KCNJ6: variants seen among roughly 807,000 people sequenced by gnomAD.
KCNJ6 encodes the protein G protein-activated inward rectifier potassium channel 2.
A neutral mutation model predicts 34.2 loss-of-function variants in KCNJ6; 9 were observed. The ratio of observed to expected loss-of-function variants is 0.26; its 90% CI spans 0.16 to 0.46. KCNJ6 has a LOEUF of 0.46. Ranked by LOEUF, KCNJ6 falls within the 20% of genes least tolerant of loss-of-function variation. KCNJ6 has a pLI of 1.00. For missense variants in KCNJ6, 236 were observed against 531.3 expected (o/e 0.44, Z 5.46); for synonymous variants, 196 against 207.1 (o/e 0.95, Z 0.46).
chr21:37,626,153 T>TG (rs1395151057), intron 3 of KCNJ6, among the ~76,000 whole-genome samples: 1 of 148,244 alleles, frequency 6.7e-6, no homozygotes, highest in Non-Finnish European at 1.5e-5. Flanking sequence ...TTCTTTGAGA[T>TG]GGAGTCTCGC....
intron 2 of KCNJ6, among the ~76,000 whole-genome samples, chr21:37,786,413 T>C (rs562313257): frequency 3.5e-4 from 53 of 152,324 alleles, no homozygotes; most frequent in African/African-American, 1.2e-3. Flanking sequence ...AGGCCCCTCC[T>C]CTTGGATATG....
chr21:37,663,993 A>G (rs900247431), intron 3 of KCNJ6, among the ~76,000 whole-genome samples: 1 of 152,230 alleles, frequency 6.6e-6, no homozygotes, highest in African/African-American at 2.4e-5. Flanking sequence ...ATAAGTCCCA[A>G]AGAAACTATC....
At chr21:37,814,656 T>C (rs1311838058) in intron 2 of KCNJ6, among the ~76,000 whole-genome samples, 1 of 152,148 alleles carries the variant, frequency 6.6e-6, no homozygotes, top group East Asian at 1.9e-4. Flanking sequence ...CTCAGCACTT[T>C]GGGAGGCCAA....
chr21:37,911,989 G>A (rs915122359), intron 1 of KCNJ6, among the ~76,000 whole-genome samples: 1 of 152,118 alleles, frequency 6.6e-6, no homozygotes, highest in African/African-American at 2.4e-5. Flanking sequence ...AGGAATATGA[G>A]ACTGAGTTAA....
At chr21:37,717,959 C>A (rs1206711138) in intron 2 of KCNJ6, among the ~76,000 whole-genome samples, 1 of 152,242 alleles carries the variant, frequency 6.6e-6, no homozygotes, top group South Asian at 2.1e-4. Flanking sequence ...ATTGTCCTGA[C>A]CTGGAAGAAC....
At chr21:37,723,357 GCAATTTGGAGATTTCT>G (rs1185723479) in intron 2 of KCNJ6, among the ~76,000 whole-genome samples, 1 of 152,206 alleles carries the variant, frequency 6.6e-6, no homozygotes, top group Non-Finnish European at 1.5e-5. Flanking sequence ...ACGGTGGAAA[GCAATTTGGAGATTTCT>G]CAAAGAACTC....
intron 1 of KCNJ6, among the ~76,000 whole-genome samples, chr21:37,859,153 C>A (rs186093290): frequency 1.3e-5 from 2 of 151,848 alleles, no homozygotes; most frequent in African/African-American, 4.8e-5. Flanking sequence ...TGGAAAACAA[C>A]TTCAATAAAT....
At chr21:37,773,869 T>G (rs554356266) in intron 2 of KCNJ6, among the ~76,000 whole-genome samples, 2 of 152,304 alleles carry the variant, frequency 1.3e-5, no homozygotes, top group South Asian at 4.1e-4. Flanking sequence ...CCCCTCCAGG[T>G]GCACGGCCAG....
In KCNJ6 at chr21:37,840,220, G is replaced by A. The variant is rs143610495; in HGVS notation, c.25+438C>T. On this transcript the variant is annotated intron_variant, in intron 2 of 3. Transcript: ENST00000609713. ...ACTGCAAGCACTCCATTTTTTAATA[G>A]TTCTGTCTGAAATTTCTGAACGACA... Among the ~76,000 whole-genome samples the A allele has an allele frequency of 7.7e-4, 117 of 152,304 alleles. 3 individuals are homozygous for A. The East Asian group carries it at 0.021, about 27-fold the overall frequency.
chr21:37,863,484 G>A (rs958861549), intron 1 of KCNJ6, among the ~76,000 whole-genome samples: 2 of 152,204 alleles, frequency 1.3e-5, no homozygotes, highest in Admixed American at 6.5e-5. Flanking sequence ...GAATTTTTGA[G>A]AGTTTATTCT....
chr21:37,851,148 C>T lies in KCNJ6; in HGVS notation c.-27-10439G>A, dbSNP rs78149365. Among the ~76,000 whole-genome samples, 468 of 152,282 alleles carry T rather than the reference C, an allele frequency of 3.1e-3. 5 individuals carry two copies. The highest frequency in any genetic ancestry group is 0.011 in the African/African-American group (452 of 41,540). ...CAGTGGGGCATGATAACAGCTCCTT[C>T]CCAAGCCAGGCCACTCTGGTCACTA... On this transcript the variant is annotated intron_variant, in intron 1 of 3. Coordinates refer to ENST00000609713, the MANE Select transcript of KCNJ6 (RefSeq NM_002240.5).
At chr21:37,637,973 G>C (rs901781603) in intron 3 of KCNJ6, among the ~76,000 whole-genome samples, 1 of 152,170 alleles carries the variant, frequency 6.6e-6, no homozygotes, top group East Asian at 1.9e-4. Context: ...CATTTCTCCT[G>C]TTAAAGCCAC....
chr21:37,626,200 G>A lies in KCNJ6; in HGVS notation c.947-716C>T, dbSNP rs1338439301. Among the ~76,000 whole-genome samples the A allele has an allele frequency of 4.7e-5, 7 of 149,848 alleles. No individual in the cohort carries two copies. The Admixed American group carries it at 4.7e-4, about 10-fold the overall frequency. On this transcript the variant is annotated intron_variant, in intron 3 of 3. Transcript: ENST00000609713. ...GGCTGGAGTGCAGTGGTGCGATCTC[G>A]GCTCACTGCGACCTCCACCTTCAGG...
At chr21:37,727,732 C>T (rs528821031) in intron 2 of KCNJ6, among the ~76,000 whole-genome samples, 11 of 151,900 alleles carry the variant, frequency 7.2e-5, no homozygotes, top group Middle Eastern at 3.4e-3. Context: ...AGAGTGGTGG[C>T]GAATATTTGG....
intron 3 of KCNJ6, among the ~76,000 whole-genome samples, chr21:37,693,943 A>T (rs2054652226): frequency 6.7e-6 from 1 of 149,914 alleles, no homozygotes. Flanking sequence ...TTTAAAAAAA[A>T]CAAACATTGG....
At chr21:37,659,233 T>C (rs2054477463) in intron 3 of KCNJ6, among the ~76,000 whole-genome samples, 1 of 152,136 alleles carries the variant, frequency 6.6e-6, no homozygotes, top group Non-Finnish European at 1.5e-5. Context: ...ATCATGTTGT[T>C]CCACAAGAAC....
At chr21:37,816,094 G>A (rs8133218) in intron 2 of KCNJ6, among the ~76,000 whole-genome samples, 11,772 of 152,250 alleles carry the variant, frequency 0.077, 517 homozygotes, top group Middle Eastern at 0.12. Context: ...TGCAGGGGCC[G>A]AGACCAGAGC....
At chr21:37,637,700 C>T (rs1874600779) in intron 3 of KCNJ6, among the ~76,000 whole-genome samples, 1 of 152,080 alleles carries the variant, frequency 6.6e-6, no homozygotes, top group Non-Finnish European at 1.5e-5. Context: ...ATATTCAAAG[C>T]CCTGACCTCC....
chr21:37,791,879 C>T (rs910987815), intron 2 of KCNJ6, among the ~76,000 whole-genome samples: 4 of 152,266 alleles, frequency 2.6e-5, no homozygotes, highest in East Asian at 1.9e-4. Flanking sequence ...ATCAAATCAG[C>T]GTACTTGGAA....
Sources: gnomAD v4.1 joint callset for allele counts (sites outside exome capture counted in the v4.1 genomes callset) on GRCh38, gnomAD v4.1.1 for gene constraint, MANE v1.5 for transcripts, NCBI Gene and HGNC (gene_info 2026-07-23, HGNC 2026-07-21) for gene names.